The following TLL1 variants were observed in gnomAD, a reference collection of about 807,000 sequenced individuals.
The protein encoded by TLL1 is tolloid-like protein 1.
Under a neutral mutation model 128.2 loss-of-function variants are expected in TLL1, and 49 were observed. The ratio of observed to expected loss-of-function variants is 0.38; its 90% CI spans 0.30 to 0.48. TLL1 has a LOEUF of 0.48. Among genes scored for constraint, TLL1 ranks in the 20% least tolerant of loss-of-function variants. The pLI is 0.96. For synonymous variants in TLL1, 454 were observed against 418.8 expected (o/e 1.08, Z -1.03); for missense variants, 1,123 against 1,242.0 (o/e 0.90, Z 1.44).
chr4:166,099,288 C>T lies in TLL1; in HGVS notation c.2668C>T (p.Arg890Ter), dbSNP rs1385488840. 3.7e-6 allele frequency: 6 copies of T among 1,613,430 alleles called. No homozygotes were observed. Among genetic ancestry groups the T allele is most frequent in the Non-Finnish European group, 4.2e-6 (5 of 1,179,600 alleles). Residue 890 changes from arginine to a stop codon, truncating the protein, a stop_gained, in exon 20 of 21, where the codon CGA (arginine) becomes TGA (stop). Coordinates refer to ENST00000061240, the MANE Select transcript of TLL1 (RefSeq NM_012464.5). LOFTEE classifies it high-confidence loss of function. The part of the protein sequence containing the change: ...QATHSTECGG[R>*]LKAESKPRDL... ...TCTTTCCTGGGCAGAGTGTGGCGGA[C>T]GATTGAAAGCAGAATCAAAACCAAG...
At chr4:166,073,063 G>C (rs1006048460) in intron 16 of TLL1, among the ~76,000 whole-genome samples, 3 of 152,076 alleles carry the variant, frequency 2.0e-5, no homozygotes, top group African/African-American at 7.2e-5. Context: ...GGAAATATGT[G>C]TCTATTTCAG....
At chr4:166,013,450 A>G (rs1034894909) in intron 7 of TLL1, among the ~76,000 whole-genome samples, 8 of 151,834 alleles carry the variant, frequency 5.3e-5, no homozygotes, top group African/African-American at 1.9e-4. Context: ...AAATTCATTT[A>G]TAAGTTTTGG....
At chr4:165,945,369 G>C (rs1328952502) in intron 1 of TLL1, among the ~76,000 whole-genome samples, 1 of 152,132 alleles carries the variant, frequency 6.6e-6, no homozygotes, top group African/African-American at 2.4e-5. Context: ...GGGATCAGGG[G>C]ATGACTTTGA....
intron 8 of TLL1, among the ~76,000 whole-genome samples, chr4:166,020,883 C>T (rs1738195880): frequency 6.6e-6 from 1 of 152,118 alleles, no homozygotes; most frequent in African/African-American, 2.4e-5. Context: ...GTTGCCTGTT[C>T]CCACAGGAAC....
chr4:166,015,738 T>A (rs926865870), intron 8 of TLL1, among the ~76,000 whole-genome samples: 17 of 151,964 alleles, frequency 1.1e-4, no homozygotes, highest in African/African-American at 3.9e-4. Context: ...CATAATTCTG[T>A]ATGTGATGGT....
chr4:166,017,812 G>A (rs1738023774), intron 8 of TLL1, among the ~76,000 whole-genome samples: 3 of 151,906 alleles, frequency 2.0e-5, no homozygotes, highest in Admixed American at 2.0e-4. Context: ...CCTACATATA[G>A]TTGTATGTTT....
Position 166,055,095 on chromosome 4 carries a change from G to A in TLL1, c.1544G>A (p.Cys515Tyr), listed in dbSNP as rs1259923203. 4 of 1,611,132 alleles carry A rather than the reference G, an allele frequency of 2.5e-6. No homozygotes were observed. Among genetic ancestry groups the A allele is most frequent in the East Asian group, 2.2e-5 (1 of 44,762 alleles). The change falls in exon 13 of 21, where the codon TGT becomes TAT. Residue 515 changes from cysteine to tyrosine, a missense_variant. By Grantham distance (194) the Cys-to-Tyr change is radical. Coordinates refer to ENST00000061240, the MANE Select transcript of TLL1 (RefSeq NM_012464.5). ...TTGCAGATTGAAAGACATGACAATT[G>A]TGCTTATGACTACCTGGAAGTTAGA... ...QSFEIERHDNCAYDYLEVRDG... is the reference protein window; with the variant it reads ...QSFEIERHDNYAYDYLEVRDG...
At chr4:166,026,226 T>C (rs541845543) in intron 9 of TLL1, among the ~76,000 whole-genome samples, 1 of 150,114 alleles carries the variant, frequency 6.7e-6, no homozygotes, top group East Asian at 2.0e-4. Context: ...CTGTCTCTAC[T>C]AAAAATACAA....
At chr4:165,956,254 AG>A (rs1734785562) in intron 1 of TLL1, among the ~76,000 whole-genome samples, 1 of 152,120 alleles carries the variant, frequency 6.6e-6, no homozygotes, top group Non-Finnish European at 1.5e-5. Flanking sequence ...AATAGAAAAC[AG>A]GGTTCGAGAG....
Position 165,873,368 on chromosome 4 carries a change from CA to C in TLL1, c.-535del. The C allele has an allele frequency of 6.5e-6, 1 of 153,454 alleles. No homozygotes were observed. Among genetic ancestry groups the C allele is most frequent in the Non-Finnish European group, 1.4e-5 (1 of 69,024 alleles). 9.5% of individuals were successfully genotyped at this position (153,454 alleles called of 1,614,324 possible). ...CACCCCCTTCCTCGGTCTCCCCTTT[CA>C]ATTCAGATGTGCTGATGTGCAGACC... is the stretch of plus-strand genomic sequence containing the variant. On this transcript the variant is annotated 5_prime_UTR_variant, in exon 1 of 21. It removes the in-frame stop codon of an upstream open reading frame in the 5' UTR. Transcript: ENST00000061240.
chr4:165,916,392 A>G (rs1343339789), intron 1 of TLL1, among the ~76,000 whole-genome samples: 1 of 152,232 alleles, frequency 6.6e-6, no homozygotes, highest in African/African-American at 2.4e-5. Context: ...TAAGATTTGT[A>G]AATTTTATGT....
At chr4:166,001,738 A>G (rs1385084344) in intron 5 of TLL1, among the ~76,000 whole-genome samples, 1 of 151,552 alleles carries the variant, frequency 6.6e-6, no homozygotes, top group Non-Finnish European at 1.5e-5. Context: ...CAAAGTTTGC[A>G]GTGGGCCGAT....
At chr4:165,974,131 ATCTTTT>A (rs1735759972) in intron 1 of TLL1, among the ~76,000 whole-genome samples, 3 of 53,880 alleles carry the variant, frequency 5.6e-5, no homozygotes, top group Non-Finnish European at 1.1e-4. Flanking sequence ...CCTGGACCTC[ATCTTTT>A]TTTTTTTTTT....
intron 19 of TLL1, among the ~76,000 whole-genome samples, chr4:166,098,050 C>G (rs1742104559): frequency 6.6e-6 from 1 of 151,954 alleles, no homozygotes; most frequent in African/African-American, 2.4e-5. Flanking sequence ...TTATAGGGCT[C>G]TGGCCAGGTG....
intron 1 of TLL1, among the ~76,000 whole-genome samples, chr4:165,950,160 T>C (rs1403913300): frequency 1.3e-5 from 2 of 152,038 alleles, no homozygotes; most frequent in African/African-American, 4.8e-5. Context: ...AGAACCAGGA[T>C]AATTACCAGG....
At chr4:166,067,928 C>T (rs543740624) in intron 16 of TLL1, among the ~76,000 whole-genome samples, 8 of 151,864 alleles carry the variant, frequency 5.3e-5, no homozygotes, top group East Asian at 3.9e-4. Flanking sequence ...TTCTCTTAAC[C>T]GTAAGAACTG....
intron 1 of TLL1, among the ~76,000 whole-genome samples, chr4:165,930,079 T>C (rs1210814888): frequency 2.0e-5 from 3 of 152,174 alleles, no homozygotes; most frequent in Admixed American, 1.3e-4. Context: ...GTTGAATCAG[T>C]ACAGCTTTAC....
chr4:166,077,666 T>C (rs1741095791), intron 17 of TLL1, among the ~76,000 whole-genome samples: 1 of 152,190 alleles, frequency 6.6e-6, no homozygotes, highest in South Asian at 2.1e-4. Flanking sequence ...CTTTTAGGCA[T>C]TTATCTGATT....
intron 13 of TLL1, 116 bp from the exon 14 acceptor site, chr4:166,057,068 G>T: frequency 8.1e-7 from 1 of 1,234,706 alleles, no homozygotes. Flanking sequence ...TGACACGTGA[G>T]AATTTTGGGA....
Sources: allele counts gnomAD v4.1 joint callset (sites outside exome capture counted in the v4.1 genomes callset), GRCh38; gene constraint gnomAD v4.1.1; transcripts MANE v1.5; gene names NCBI Gene and HGNC (gene_info 2026-07-23, HGNC 2026-07-21).